CDH4: variants seen among roughly 807,000 people sequenced by gnomAD.
CDH4 encodes cadherin 4, also known as cadherin-4.
CDH4 carries 33 observed loss-of-function variants against 86.0 expected under a neutral mutation model. The ratio of observed to expected loss-of-function variants is 0.38; its 90% CI spans 0.29 to 0.51. CDH4 has a LOEUF of 0.51. Ranked by LOEUF, CDH4 falls within the 20% of genes least tolerant of loss-of-function variation. The pLI, the probability that CDH4 is intolerant of heterozygous loss-of-function variation, is 0.86. For synonymous variants in CDH4, 555 were observed against 549.4 expected, an observed-to-expected ratio of 1.01 and a Z score of -0.14; for missense variants, 1,114 against 1,307.4, an observed-to-expected ratio of 0.85 and a Z score of 2.28.
At chr20:61,346,892 C>T (rs1317561030) in intron 2 of CDH4, among the ~76,000 whole-genome samples, 3 of 152,206 alleles carry the variant, frequency 2.0e-5, no homozygotes, top group African/African-American at 4.8e-5. Flanking sequence ...ACTCCACGTA[C>T]GGGTGCCCCC....
chr20:61,294,433 G>A (rs897518871), intron 2 of CDH4, among the ~76,000 whole-genome samples: 2 of 152,058 alleles, frequency 1.3e-5, no homozygotes, highest in Non-Finnish European at 2.9e-5. Flanking sequence ...GCAGGGCCCC[G>A]ACTCGGCCCA....
At chr20:61,448,348 C>T (rs986142864) in intron 2 of CDH4, among the ~76,000 whole-genome samples, 17 of 152,170 alleles carry the variant, frequency 1.1e-4, no homozygotes, top group Non-Finnish European at 2.5e-4. Flanking sequence ...ATTATGCGAA[C>T]GTTTTATGAG....
chr20:61,809,140 C>T (rs1980294823), intron 4 of CDH4, among the ~76,000 whole-genome samples: 1 of 152,170 alleles, frequency 6.6e-6, no homozygotes, highest in Non-Finnish European at 1.5e-5. Context: ...GGGAATTAAT[C>T]TATATGTGAT....
intron 2 of CDH4, among the ~76,000 whole-genome samples, chr20:61,727,257 C>G (rs1483491792): frequency 1.3e-5 from 2 of 152,126 alleles, no homozygotes; most frequent in African/African-American, 4.8e-5. Context: ...GTGCCATCAT[C>G]ATCACCATCA....
Position 61,902,408 on chromosome 20 carries a change from C to T in CDH4, c.1188+7361C>T, listed in dbSNP as rs2054736376. 6.6e-6 allele frequency among the ~76,000 whole-genome samples: 1 copy of T among 152,256 alleles called. No homozygotes were observed. The highest frequency in any genetic ancestry group is 2.4e-5 in the African/African-American group (1 of 41,464). On this transcript the variant is annotated intron_variant, in intron 8 of 15. Coordinates refer to ENST00000614565, the MANE Select transcript of CDH4 (RefSeq NM_001794.5). This position sits in a 1 kb window ranked among gnomAD's most constrained non-coding sequence, Gnocchi z 4.6. ...GCCCTGGGGCACGCGGTCACCACCC[C>T]GCAGAACCGCTCCCGTGCTCGTTGC...
At chr20:61,633,582 C>G (rs1397055279) in intron 2 of CDH4, among the ~76,000 whole-genome samples, 1 of 152,212 alleles carries the variant, frequency 6.6e-6, no homozygotes, top group Non-Finnish European at 1.5e-5. Flanking sequence ...AGTTCCAAAA[C>G]ATGTAAGACA....
intron 2 of CDH4, among the ~76,000 whole-genome samples, chr20:61,279,499 G>T (rs1600828628): frequency 6.6e-6 from 1 of 152,052 alleles, no homozygotes; most frequent in East Asian, 1.9e-4. Flanking sequence ...AGGGGTGGGG[G>T]CGGGGCCTTC....
chr20:61,567,053 C>T (rs1006296863), intron 2 of CDH4, among the ~76,000 whole-genome samples: 9 of 152,184 alleles, frequency 5.9e-5, no homozygotes, highest in Non-Finnish European at 8.8e-5. Context: ...CTGTTCCAAA[C>T]GCCCATATCC....
chr20:61,383,086 TG>T (rs2084913839), intron 2 of CDH4, among the ~76,000 whole-genome samples: 2 of 116,782 alleles, frequency 1.7e-5, no homozygotes, highest in South Asian at 2.3e-4. Context: ...AATATATATA[TG>T]AATATATATA....
intron 2 of CDH4, among the ~76,000 whole-genome samples, chr20:61,566,202 G>T (rs951782820): frequency 3.7e-4 from 56 of 152,222 alleles, no homozygotes; most frequent in African/African-American, 1.3e-3. Context: ...GGCCCATGTG[G>T]CTGACTCCTC....
intron 8 of CDH4, among the ~76,000 whole-genome samples, chr20:61,906,393 T>A (rs2054788442): frequency 6.6e-6 from 1 of 152,192 alleles, no homozygotes; most frequent in South Asian, 2.1e-4. Flanking sequence ...GAGCCCTTCA[T>A]CCCACCAAGC....
chr20:61,321,950 A>C (rs1317894417), intron 2 of CDH4, among the ~76,000 whole-genome samples: 2 of 151,438 alleles, frequency 1.3e-5, no homozygotes, highest in African/African-American at 4.8e-5. Flanking sequence ...AATATTATAT[A>C]ATAATATAAC....
At chr20:61,628,110 C>T (rs1031317959) in intron 2 of CDH4, among the ~76,000 whole-genome samples, 3 of 152,130 alleles carry the variant, frequency 2.0e-5, no homozygotes, top group Non-Finnish European at 2.9e-5. Context: ...CTTCTGGCAT[C>T]GCCGCAGACA....
At chr20:61,905,391 A>C (rs2054778109) in intron 8 of CDH4, among the ~76,000 whole-genome samples, 1 of 152,246 alleles carries the variant, frequency 6.6e-6, no homozygotes, top group African/African-American at 2.4e-5. Flanking sequence ...CCTCCTCAGA[A>C]GGACGGGAGT....
At chr20:61,732,266 T>TCA (rs1446253225) in intron 2 of CDH4, among the ~76,000 whole-genome samples, 2 of 152,158 alleles carry the variant, frequency 1.3e-5, no homozygotes, top group African/African-American at 4.8e-5. Context: ...ACATGAACAC[T>TCA]GTGATATTCC....
At chr20:61,299,823 A>G (rs944675053) in intron 2 of CDH4, among the ~76,000 whole-genome samples, 3 of 152,206 alleles carry the variant, frequency 2.0e-5, no homozygotes. Flanking sequence ...AACACAGGCT[A>G]TAAAAGTGTT....
At chr20:61,898,018 T>C (rs1985213190) in intron 8 of CDH4, among the ~76,000 whole-genome samples, 1 of 152,150 alleles carries the variant, frequency 6.6e-6, no homozygotes, top group South Asian at 2.1e-4. Flanking sequence ...CACCCTGCGG[T>C]GGCTTTTCCA....
chr20:61,862,565 G>A (rs973804225), intron 6 of CDH4, among the ~76,000 whole-genome samples: 6 of 152,302 alleles, frequency 3.9e-5, no homozygotes, highest in South Asian at 4.1e-4. Flanking sequence ...CCTGCCATCC[G>A]TACTGCCTGG....
chr20:61,917,378 G>A (rs1179571091), intron 9 of CDH4, among the ~76,000 whole-genome samples: 1 of 152,256 alleles, frequency 6.6e-6, no homozygotes, highest in Non-Finnish European at 1.5e-5. Flanking sequence ...GCTCATCCCA[G>A]GTTCTTTCTC....
Sources: allele counts gnomAD v4.1 joint callset (sites outside exome capture counted in the v4.1 genomes callset), GRCh38; gene constraint gnomAD v4.1.1; non-coding constraint Gnocchi (gnomAD v3.1); transcripts MANE v1.5; gene names NCBI Gene and HGNC (gene_info 2026-07-23, HGNC 2026-07-21).